Variants in AQR observed in about 807,000 individuals in gnomAD.
AQR encodes the protein RNA helicase aquarius.
A neutral mutation model predicts 180.5 loss-of-function variants in AQR; 61 were observed. The observed-to-expected ratio is 0.34, with a 90% CI of 0.28 to 0.42. The LOEUF is 0.42. AQR is among the 10% of genes least tolerant of loss of function. AQR has a pLI of 1.00. For missense variants in AQR, 1,281 were observed against 1,798.3 expected (o/e 0.71, Z 5.20); for synonymous variants, 551 against 588.8 (o/e 0.94, Z 0.93).
At position 34,862,934 on chromosome 15, in the gene AQR, C is replaced by T; in HGVS notation, c.3962G>A (p.Ser1321Asn). 1 of 1,613,880 alleles carries T rather than the reference C, an allele frequency of 6.2e-7. No individual in the cohort carries two copies. The highest frequency in any genetic ancestry group is 8.5e-7 in the Non-Finnish European group (1 of 1,179,886). Residue 1321 changes from serine (S) to asparagine (N), a missense_variant, in exon 33 of 35, where the codon AGT becomes AAT. Coordinates refer to ENST00000156471, the MANE Select transcript of AQR (RefSeq NM_014691.3). ...ATGAAGGGGGCGAGCTGTGAGCTGA[C>T]TGAAAGCTGGAGTCAGTTCAAAACA... is the stretch of plus-strand genomic sequence containing the variant. ...QNCFELTPAF[S>N]QLTARPLHLH... is the part of the protein sequence containing the mutation.
At chr15:34,863,314 G>C (rs1351924097) in intron 32 of AQR, 2 of 261,200 alleles carry the variant, frequency 7.7e-6, no homozygotes, top group African/African-American at 2.2e-5. Context: ...TAATATATTA[G>C]TATTACAGTA....
chr15:34,919,904 A>C (rs1019005282), intron 14 of AQR, among the ~76,000 whole-genome samples: 2 of 152,028 alleles, frequency 1.3e-5, no homozygotes, highest in African/African-American at 2.4e-5. Context: ...TATCAAAAAA[A>C]CAAAACAAAC....
intron 12 of AQR, 26 bp downstream of exon 12, chr15:34,930,230 TAC>T (rs764091952): frequency 7.6e-5 from 107 of 1,405,802 alleles, no homozygotes; most frequent in Middle Eastern, 1.9e-4. Flanking sequence ...TTATGGAGCA[TAC>T]ACAGTCTATA....
At chr15:34,940,751 C>T in intron 8 of AQR, 148 bp downstream of exon 8, 1 of 664,866 alleles carries the variant, frequency 1.5e-6, no homozygotes, top group Non-Finnish European at 2.6e-6. Flanking sequence ...GGAAAATATT[C>T]TTAATGACAG....
intron 3 of AQR, among the ~76,000 whole-genome samples, chr15:34,958,125 G>A (rs938990862): frequency 7.9e-5 from 12 of 152,070 alleles, no homozygotes; most frequent in African/African-American, 2.7e-4. Context: ...GGGGAATGGC[G>A]TGGACCCGGG....
rs185590083 is a variant in AQR at position 34,932,444 on chromosome 15, A to C, written c.784-10T>G. On this transcript the variant is annotated splice_polypyrimidine_tract_variant and intron_variant, in intron 10 of 34. Transcript: ENST00000156471. The stretch of plus-strand genomic sequence containing the variant: ...TTGTGGGTAGCAGGGCCTGGGAAAA[A>C]CAAACATCATAACAGTAAGTTTGCA... 3.2e-5 allele frequency: 50 copies of C among 1,548,870 alleles called. No individual in the cohort carries two copies. In the African/African-American group the frequency reaches 4.7e-4, roughly 15 times the overall value.
intron 30 of AQR, among the ~76,000 whole-genome samples, chr15:34,871,407 T>C (rs1892814378): frequency 6.7e-6 from 1 of 150,370 alleles, no homozygotes; most frequent in African/African-American, 2.5e-5. Context: ...CTCTGGAGAC[T>C]GAGGTGGGGG....
chr15:34,900,513 A>G, intron 20 of AQR, 109 bp downstream of exon 20: 1 of 1,398,492 alleles, frequency 7.2e-7, no homozygotes, highest in Non-Finnish European at 9.7e-7. Context: ...GACTGCTAAA[A>G]CAAAATCCAA....
Position 34,882,378 on chromosome 15 carries a change from G to A in AQR, c.3165+124C>T, listed in dbSNP as rs575892737. 23 of 1,066,494 alleles carry A rather than the reference G, an allele frequency of 2.2e-5. No homozygotes were observed. The South Asian group carries it at 5.3e-4, about 25-fold the overall frequency. The allele number at this position is 1,066,494 out of a possible 1,614,324, so 66.1% of individuals were successfully genotyped here. ...AGAGTTCACTAATCATGTAAACAAG[G>A]GATATTATCATCCACTTATAAAAGA... On this transcript the variant is annotated intron_variant, in intron 27 of 34. Transcript: ENST00000156471.
chr15:34,946,706 G>C, intron 5 of AQR, among the ~76,000 whole-genome samples: 1 of 131,974 alleles, frequency 7.6e-6, no homozygotes, highest in Admixed American at 7.4e-5. Flanking sequence ...GGAGGGAGGT[G>C]GGGGGGTCAG....
intron 25 of AQR, 41 bp from the exon 26 acceptor site, chr15:34,884,775 T>G: frequency 2.1e-6 from 3 of 1,450,458 alleles, no homozygotes; most frequent in Non-Finnish European, 2.9e-6. Context: ...CAGCTAATTA[T>G]GATGTTTTAA....
chr15:34,946,632 G>A (rs1894124653), intron 5 of AQR, among the ~76,000 whole-genome samples: 1 of 144,288 alleles, frequency 6.9e-6, no homozygotes, highest in Non-Finnish European at 1.5e-5. Flanking sequence ...GGTGAGGGGC[G>A]CCTCTGCCTG....
intron 17 of AQR, among the ~76,000 whole-genome samples, chr15:34,908,373 T>A (rs1472342143): frequency 1.3e-5 from 2 of 151,766 alleles, no homozygotes; most frequent in African/African-American, 2.4e-5. Flanking sequence ...GAGGTGGAGG[T>A]TGCAGTGAGC....
intron 23 of AQR, among the ~76,000 whole-genome samples, chr15:34,893,220 A>G (rs544240356): frequency 1.3e-5 from 2 of 152,300 alleles, no homozygotes; most frequent in South Asian, 2.1e-4. Flanking sequence ...AACAAAGGAG[A>G]GAAGGGTTTC....
intron 3 of AQR, among the ~76,000 whole-genome samples, chr15:34,955,478 C>G (rs1406198613): frequency 6.6e-6 from 1 of 152,142 alleles, no homozygotes; most frequent in African/African-American, 2.4e-5. Flanking sequence ...GGCAGCCCCA[C>G]CACAACCATA....
intron 16 of AQR, among the ~76,000 whole-genome samples, chr15:34,912,184 A>G (rs2140481810): frequency 6.6e-6 from 1 of 152,290 alleles, no homozygotes; most frequent in East Asian, 1.9e-4. Context: ...GCTTTGTAAT[A>G]TAATTTGAAA....
intron 26 of AQR, 127 bp downstream of exon 26, chr15:34,884,398 T>G (rs1158506468): frequency 1.2e-6 from 1 of 828,256 alleles, no homozygotes; most frequent in African/African-American, 1.8e-5. Flanking sequence ...AGGGCAAGAC[T>G]CCGTCTCAAA....
chr15:34,961,680 A>G (rs1343360950), intron 2 of AQR, among the ~76,000 whole-genome samples: 1 of 121,908 alleles, frequency 8.2e-6, no homozygotes, highest in Non-Finnish European at 1.9e-5. Flanking sequence ...AAAAAAAAAG[A>G]AAAAAAGAAC....
At position 34,915,304 on chromosome 15, in the gene AQR, C is replaced by T. The variant is rs1191803236; in HGVS notation, c.1343-125G>A. 6.4e-6 allele frequency: 6 copies of T among 943,530 alleles called. No individual in the cohort carries two copies. The African/African-American group carries it at 1.0e-4, about 16-fold the overall frequency. The allele number at this position is 943,530 out of a possible 1,614,324, so 58.4% of individuals were successfully genotyped here. On this transcript the variant is annotated intron_variant, in intron 15 of 34. Coordinates refer to ENST00000156471, the MANE Select transcript of AQR (RefSeq NM_014691.3). ...CTCCCAGATTCAAGCCATTCTCCTG[C>T]CTCAGCCTCCTGAGTAGCTGGGATT...
Sources: allele counts gnomAD v4.1 joint callset (sites outside exome capture counted in the v4.1 genomes callset), GRCh38; gene constraint gnomAD v4.1.1; transcripts MANE v1.5; gene names NCBI Gene and HGNC (gene_info 2026-07-23, HGNC 2026-07-21).